The following ARHGAP26 variants were observed in gnomAD, a reference collection of about 807,000 sequenced individuals.
ARHGAP26 encodes the protein Rho GTPase activating protein 26.
In ARHGAP26, 38 loss-of-function variants were observed where a neutral mutation model predicts 104.8. That is an observed-to-expected ratio of 0.36 (90% confidence interval 0.28 to 0.48). The LOEUF is 0.48. Among genes scored for constraint, ARHGAP26 ranks in the 20% least tolerant of loss-of-function variants. The pLI is 0.99. For missense variants in ARHGAP26, 704 were observed against 947.9 expected (o/e 0.74, Z 3.38); for synonymous variants, 341 against 340.0 (o/e 1.00, Z -0.03).
At position 142,885,293 on chromosome 5, in the gene ARHGAP26, G is replaced by T. The variant is rs1401203945; in HGVS notation, c.385-5G>T. 6.8e-6 allele frequency: 11 copies of T among 1,609,960 alleles called. No homozygotes were observed. The highest frequency in any genetic ancestry group is 9.3e-6 in the Non-Finnish European group (11 of 1,178,132). On this transcript the variant is annotated splice_polypyrimidine_tract_variant and splice_region_variant and intron_variant, in intron 4 of 22. Coordinates refer to ENST00000645722, the MANE Select transcript of ARHGAP26 (RefSeq NM_001135608.3). ...TTTTCTTTTTCTCTTCTCTTTTTTT[G>T]CCAGGAAGCCAAAAAGAAGTATGAC...
At chr5:142,911,482 C>G (rs549232163) in intron 9 of ARHGAP26, among the ~76,000 whole-genome samples, 23 of 152,314 alleles carry the variant, frequency 1.5e-4, no homozygotes, top group African/African-American at 5.3e-4. Flanking sequence ...CTGACCAGGT[C>G]AGATCTCCTT....
rs142866162 is a variant in ARHGAP26, at chr5:143,227,240, G to A, written c.*4794G>A. On this transcript the variant is annotated 3_prime_UTR_variant, in exon 23 of 23. Coordinates refer to ENST00000645722, the MANE Select transcript of ARHGAP26 (RefSeq NM_001135608.3). Reference sequence around the variant, plus strand: ...GTGAGCAACCATGTTCCCCAAGTAGGTAGCCAGCGCTGCAGAAACCAAACA... The same window carrying A: ...GTGAGCAACCATGTTCCCCAAGTAGATAGCCAGCGCTGCAGAAACCAAACA... 675 of 229,764 alleles carry A rather than the reference G, an allele frequency of 2.9e-3. 3 individuals carry two copies. Among genetic ancestry groups the A allele is most frequent in the African/African-American group, 0.014 (632 of 45,228 alleles). The allele number at this position is 229,764 out of a possible 1,614,324, so 14.2% of individuals were successfully genotyped here. A position where few individuals can be genotyped will look rare whatever the true frequency, so the allele number is the denominator to read the frequency against.
intron 4 of ARHGAP26, among the ~76,000 whole-genome samples, chr5:142,884,635 C>T (rs6859305): frequency 0.016 from 2,462 of 152,196 alleles, 65 homozygotes; most frequent in African/African-American, 0.053. Flanking sequence ...TTGGATGTTC[C>T]GTACTTTAAT....
chr5:142,808,234 C>CA, intron 1 of ARHGAP26, among the ~76,000 whole-genome samples: 1 of 52,658 alleles, frequency 1.9e-5, no homozygotes, highest in Non-Finnish European at 2.8e-5. Context: ...GACATTGTCT[C>CA]GGAAAAAAAA....
intron 17 of ARHGAP26, among the ~76,000 whole-genome samples, chr5:143,114,072 C>T (rs1317760063): frequency 6.6e-6 from 1 of 152,180 alleles, no homozygotes; most frequent in Non-Finnish European, 1.5e-5. Flanking sequence ...CTGCCTGCCT[C>T]AAAGGGTTCT....
intron 12 of ARHGAP26, among the ~76,000 whole-genome samples, chr5:143,030,654 C>T (rs946107444): frequency 1.3e-5 from 2 of 152,352 alleles, no homozygotes; most frequent in Middle Eastern, 3.4e-3. Context: ...CATCTACTCT[C>T]AGAGGGTTTA....
chr5:142,907,534 T>A (rs1761266158), intron 8 of ARHGAP26, 170 bp from the exon 9 acceptor site: 1 of 367,910 alleles, frequency 2.7e-6, no homozygotes, highest in South Asian at 1.1e-4. Flanking sequence ...GCCTGTGGGA[T>A]CAGATTTCTG....
chr5:142,795,280 G>C (rs1032681339), intron 1 of ARHGAP26, among the ~76,000 whole-genome samples: 2 of 150,468 alleles, frequency 1.3e-5, no homozygotes, highest in East Asian at 1.9e-4. Context: ...GCTGATGAAA[G>C]TGACCACCTC....
At chr5:142,831,311 C>T (rs1768379049) in intron 1 of ARHGAP26, among the ~76,000 whole-genome samples, 1 of 152,152 alleles carries the variant, frequency 6.6e-6, no homozygotes, top group African/African-American at 2.4e-5. Context: ...GGTTTTGTGG[C>T]ACTGTGTTAT....
At chr5:143,200,784 A>G (rs116708468) in intron 20 of ARHGAP26, among the ~76,000 whole-genome samples, 374 of 152,310 alleles carry the variant, frequency 2.5e-3, no homozygotes, top group African/African-American at 8.4e-3. Context: ...TTACTCCTCC[A>G]GTTACAGAAC....
chr5:143,002,722 A>T (rs984484628), intron 11 of ARHGAP26, among the ~76,000 whole-genome samples: 2 of 152,094 alleles, frequency 1.3e-5, no homozygotes, highest in African/African-American at 2.4e-5. Context: ...CTTGTACATT[A>T]CTTAGATTTC....
chr5:143,102,987 G>T (rs1793470247), intron 17 of ARHGAP26, among the ~76,000 whole-genome samples: 1 of 152,038 alleles, frequency 6.6e-6, no homozygotes. Context: ...GGTGGAGTCT[G>T]CCCAGCTTCA....
At chr5:142,933,500 A>G (rs1765008581) in intron 11 of ARHGAP26, among the ~76,000 whole-genome samples, 4 of 152,212 alleles carry the variant, frequency 2.6e-5, no homozygotes, top group Admixed American at 2.6e-4. Flanking sequence ...TGGCTTATGT[A>G]AGATAGATAA....
chr5:142,893,392 A>C (rs1758993699), intron 5 of ARHGAP26, among the ~76,000 whole-genome samples: 1 of 152,130 alleles, frequency 6.6e-6, no homozygotes, highest in Non-Finnish European at 1.5e-5. Flanking sequence ...CTGTGCCTTC[A>C]CTTGACATAA....
intron 5 of ARHGAP26, among the ~76,000 whole-genome samples, chr5:142,890,162 A>ATATG (rs1758425623): frequency 2.8e-5 from 2 of 71,322 alleles, no homozygotes; most frequent in Non-Finnish European, 5.5e-5. Context: ...ATATATATAT[A>ATATG]TATATATATA....
At chr5:142,870,737 G>T (rs1660469281) in intron 1 of ARHGAP26, among the ~76,000 whole-genome samples, 1 of 152,160 alleles carries the variant, frequency 6.6e-6, no homozygotes, top group African/African-American at 2.4e-5. Flanking sequence ...TGAGATAACT[G>T]AGACTTTATG....
intron 20 of ARHGAP26, among the ~76,000 whole-genome samples, chr5:143,196,824 G>A (rs370842399): frequency 2.6e-5 from 4 of 152,170 alleles, no homozygotes; most frequent in Non-Finnish European, 4.4e-5. Context: ...GGAATGTGCC[G>A]TTGGGCGACT....
At chr5:143,048,594 C>CT (rs1283808357) in intron 14 of ARHGAP26, among the ~76,000 whole-genome samples, 1 of 150,756 alleles carries the variant, frequency 6.6e-6, no homozygotes, top group Non-Finnish European at 1.5e-5. Flanking sequence ...AGTCTGTTAT[C>CT]TTTTTTCTAA....
intron 12 of ARHGAP26, among the ~76,000 whole-genome samples, chr5:143,020,179 C>T (rs1780120687): frequency 6.6e-6 from 1 of 152,210 alleles, no homozygotes; most frequent in Admixed American, 6.5e-5. Flanking sequence ...GACTCCTGGC[C>T]TCACGTGATC....
Sources: gnomAD v4.1 joint callset for allele counts (sites outside exome capture counted in the v4.1 genomes callset) on GRCh38, gnomAD v4.1.1 for gene constraint, MANE v1.5 for transcripts, NCBI Gene and HGNC (gene_info 2026-07-23, HGNC 2026-07-21) for gene names.